CACUL1: variants seen among roughly 807,000 people sequenced by gnomAD.
The protein encoded by CACUL1 is CDK2 associated cullin domain 1.
Under a neutral mutation model 45.2 loss-of-function variants are expected in CACUL1, and 13 were observed. The ratio of observed to expected loss-of-function variants is 0.29; its 90% CI spans 0.19 to 0.46. The LOEUF is 0.46. Among genes scored for constraint, CACUL1 ranks in the 20% least tolerant of loss-of-function variants. The pLI is 1.00. For missense variants in CACUL1, 421 were observed against 471.4 expected, an observed-to-expected ratio of 0.89 and a Z score of 0.99; for synonymous variants, 197 against 174.2, an observed-to-expected ratio of 1.13 and a Z score of -1.03.
chr10:118,742,376 A>G (rs1036874129), intron 1 of CACUL1, among the ~76,000 whole-genome samples: 17 of 152,256 alleles, frequency 1.1e-4, no homozygotes, highest in Non-Finnish European at 2.4e-4. Flanking sequence ...CATATGGTCT[A>G]CGGTTTACAG....
Position 118,678,417 on chromosome 10 carries a change from G to A in CACUL1, c.*7711C>T, listed in dbSNP as rs2119522206. ...TAAGTGTTAGAATCTTGTAGTGCTAGTTCCCCTCACAATCCATTCAGAAAG... is the reference window on the plus strand; with the variant it reads ...TAAGTGTTAGAATCTTGTAGTGCTAATTCCCCTCACAATCCATTCAGAAAG... On this transcript the variant is annotated 3_prime_UTR_variant, in exon 9 of 9. Transcript: ENST00000369151. 1 of 152,276 alleles carries A rather than the reference G, an allele frequency of 6.6e-6. No individual in the cohort carries two copies. The allele number at this position is 152,276 out of a possible 1,614,324, so 9.4% of individuals were successfully genotyped here.
intron 1 of CACUL1, among the ~76,000 whole-genome samples, chr10:118,734,684 C>T (rs1287064630): frequency 1.3e-5 from 2 of 152,142 alleles, no homozygotes; most frequent in African/African-American, 4.8e-5. Flanking sequence ...TCTAGAGGCA[C>T]AGAGGTTCAA....
intron 3 of CACUL1, among the ~76,000 whole-genome samples, chr10:118,722,373 GC>G (rs1329694282): frequency 2.0e-5 from 3 of 152,082 alleles, no homozygotes; most frequent in Admixed American, 2.0e-4. Context: ...ACAGGTGTGA[GC>G]CACCGCACCC....
intron 1 of CACUL1, among the ~76,000 whole-genome samples, chr10:118,734,810 T>G (rs149931080): frequency 2.0e-5 from 3 of 152,256 alleles, no homozygotes; most frequent in African/African-American, 7.2e-5. Context: ...ACTGAGAAAG[T>G]AGTTTAACTG....
chr10:118,728,218 A>G (rs1845668855), intron 3 of CACUL1, among the ~76,000 whole-genome samples: 1 of 152,170 alleles, frequency 6.6e-6, no homozygotes, highest in Non-Finnish European at 1.5e-5. Flanking sequence ...AGCCCAAAGC[A>G]CACCCCAGCA....
intron 3 of CACUL1, among the ~76,000 whole-genome samples, chr10:118,716,185 T>C (rs750343047): frequency 1.3e-5 from 2 of 151,336 alleles, no homozygotes; most frequent in Non-Finnish European, 1.5e-5. Context: ...TAAGCCAAGA[T>C]TGCGCCACTG....
chr10:118,735,187 T>C (rs1053989114), intron 1 of CACUL1, among the ~76,000 whole-genome samples: 7 of 152,236 alleles, frequency 4.6e-5, no homozygotes, highest in African/African-American at 2.4e-5. Flanking sequence ...ATACTACTTA[T>C]TAGCTGTTTT....
chr10:118,712,619 G>C (rs1345668768), intron 3 of CACUL1, among the ~76,000 whole-genome samples: 6 of 152,326 alleles, frequency 3.9e-5, no homozygotes, highest in African/African-American at 1.2e-4. Context: ...AAGCTGCAGG[G>C]AGTAGCTCCT....
rs1845166129 is a variant in CACUL1, at chr10:118,682,763, A to G, written c.*3365T>C. Reference sequence around the variant, plus strand: ...GGAGTGGTAGCTGCACAGTGTGAGCACTGGAGATGGATGTGCAGTGTGCAG... The same window carrying G: ...GGAGTGGTAGCTGCACAGTGTGAGCGCTGGAGATGGATGTGCAGTGTGCAG... On this transcript the variant is annotated 3_prime_UTR_variant, in exon 9 of 9. Transcript: ENST00000369151. 1 of 152,692 alleles carries G rather than the reference A, an allele frequency of 6.5e-6. No homozygotes were observed. The highest frequency in any genetic ancestry group is 2.1e-4 in the South Asian group (1 of 4,836). 9.5% of individuals were successfully genotyped at this position (152,692 alleles called of 1,614,324 possible).
At chr10:118,743,635 A>G (rs1200299355) in intron 1 of CACUL1, among the ~76,000 whole-genome samples, 5 of 152,162 alleles carry the variant, frequency 3.3e-5, no homozygotes, top group African/African-American at 9.7e-5. Flanking sequence ...AGGCTGAGGC[A>G]GGAGAATCAC....
At chr10:118,726,216 T>C in intron 3 of CACUL1, 3 of 845,218 alleles carry the variant, frequency 3.5e-6, no homozygotes. Flanking sequence ...TTAAGGTCTC[T>C]ATAAAATAAA....
intron 7 of CACUL1, among the ~76,000 whole-genome samples, chr10:118,686,973 G>C (rs917869025): frequency 2.0e-5 from 3 of 152,144 alleles, no homozygotes; most frequent in Non-Finnish European, 4.4e-5. Context: ...GACAATAACA[G>C]AAATGACTCA....
rs2119530555 is a variant in CACUL1, at chr10:118,682,059, G to A, written c.*4069C>T. The stretch of plus-strand genomic sequence containing the variant: ...GAAAACAGTAATCACAACCAAAAAG[G>A]TCCTATAAACCTGTAATAGATGTCA... On this transcript the variant is annotated 3_prime_UTR_variant, in exon 9 of 9. Transcript: ENST00000369151. 1 of 152,198 alleles carries A rather than the reference G, an allele frequency of 6.6e-6. No homozygotes were observed. Among genetic ancestry groups the A allele is most frequent in the South Asian group, 2.1e-4 (1 of 4,812 alleles). The allele number at this position is 152,198 out of a possible 1,614,324, so 9.4% of individuals were successfully genotyped here.
In CACUL1 at chr10:118,719,919, T is replaced by C. The variant is rs561182648; in HGVS notation, c.597+9376A>G. Among the ~76,000 whole-genome samples, 5 of 152,172 alleles carry C rather than the reference T, an allele frequency of 3.3e-5. No individual in the cohort carries two copies. In the East Asian group the frequency reaches 9.6e-4, roughly 29 times the overall value. ...CCATATTAGAATAATATCCAAAAAATAGTGATATAGAAGGTAACTGATCTT... is the reference window on the plus strand; with the variant it reads ...CCATATTAGAATAATATCCAAAAAACAGTGATATAGAAGGTAACTGATCTT... On this transcript the variant is annotated intron_variant, in intron 3 of 8. Coordinates refer to ENST00000369151, the MANE Select transcript of CACUL1 (RefSeq NM_153810.5).
intron 3 of CACUL1, among the ~76,000 whole-genome samples, chr10:118,720,339 C>A (rs551724868): frequency 6.6e-6 from 1 of 152,338 alleles, no homozygotes; most frequent in African/African-American, 2.4e-5. Context: ...CCTAGGCTGA[C>A]TTCTCACTTC....
rs1261006378 is a variant in CACUL1 at position 118,679,850 on chromosome 10, G to T, written c.*6278C>A. 6.6e-6 allele frequency: 1 copy of T among 151,594 alleles called. No homozygotes were observed. Among genetic ancestry groups the T allele is most frequent in the Non-Finnish European group, 1.5e-5 (1 of 67,882 alleles). 9.4% of individuals were successfully genotyped at this position (151,594 alleles called of 1,614,324 possible). A position where few individuals can be genotyped will look rare whatever the true frequency, so the allele number is the denominator to read the frequency against. ...TAAAAAATTTTTTTGTAGAGATGGGGTTCTGTGTTACCCAGGCTGGTCTCA... is the reference window on the plus strand; with the variant it reads ...TAAAAAATTTTTTTGTAGAGATGGGTTTCTGTGTTACCCAGGCTGGTCTCA... On this transcript the variant is annotated 3_prime_UTR_variant, in exon 9 of 9. Transcript: ENST00000369151.
At chr10:118,744,318 G>A (rs1845820984) in intron 1 of CACUL1, among the ~76,000 whole-genome samples, 1 of 152,168 alleles carries the variant, frequency 6.6e-6, no homozygotes, top group East Asian at 1.9e-4. Context: ...CCCGGGAGGT[G>A]GAGGTTGTGG....
intron 6 of CACUL1, chr10:118,693,338 A>C (rs553041071): frequency 1.3e-5 from 2 of 158,308 alleles, no homozygotes; most frequent in Non-Finnish European, 2.8e-5. Context: ...GCAGGAACAT[A>C]ATGGGTACTG....
At chr10:118,697,767 C>T (rs1419434545) in intron 5 of CACUL1, among the ~76,000 whole-genome samples, 1 of 152,190 alleles carries the variant, frequency 6.6e-6, no homozygotes, top group East Asian at 1.9e-4. Flanking sequence ...TCTGCTGCTG[C>T]AAAAGTCAAC....
Sources: gnomAD v4.1 joint callset for allele counts (sites outside exome capture counted in the v4.1 genomes callset) on GRCh38, gnomAD v4.1.1 for gene constraint, MANE v1.5 for transcripts, NCBI Gene and HGNC (gene_info 2026-07-23, HGNC 2026-07-21) for gene names.